The following MEGF8 variants were observed in gnomAD, a reference collection of about 807,000 sequenced individuals.
MEGF8 encodes the protein multiple EGF like domains 8.
MEGF8 carries 156 observed loss-of-function variants against 302.9 expected under a neutral mutation model. That is an observed-to-expected ratio of 0.52 (90% confidence interval 0.45 to 0.59). MEGF8 has a LOEUF of 0.59. Ranked by LOEUF, MEGF8 falls within the 20% of genes least tolerant of loss-of-function variation. MEGF8 has a pLI of 0.00. For missense variants in MEGF8, 3,345 were observed against 3,964.5 expected (o/e 0.84, Z 4.20); for synonymous variants, 1,621 against 1,660.5 (o/e 0.98, Z 0.58).
Position 42,350,292 on chromosome 19 carries a change from G to A in MEGF8, c.2644G>A (p.Gly882Arg), listed in dbSNP as rs147068787. 9.3e-5 allele frequency: 149 copies of A among 1,609,474 alleles called. No individual in the cohort carries two copies. Among genetic ancestry groups the A allele is most frequent in the Middle Eastern group, 1.6e-4 (1 of 6,082 alleles). ...CHLRQGGAHC[G>R]DDGAGGSLLV... Reference sequence around the variant, plus strand: ...CCTGCGCCAGGGCGGAGCCCATTGCGGGGATGACGGGGCTGGTGGGTCCCT... The same window carrying A: ...CCTGCGCCAGGGCGGAGCCCATTGCAGGGATGACGGGGCTGGTGGGTCCCT... The change falls in exon 15 of 42, where the codon GGG becomes AGG. Residue 882 changes from glycine to arginine, a missense_variant. Transcript: ENST00000251268.
At position 42,349,569 on chromosome 19, in the gene MEGF8, G is replaced by A. The variant is rs745557568; in HGVS notation, c.2369G>A (p.Arg790His). Residue 790 changes from arginine to histidine, a missense_variant, in exon 14 of 42, where the codon CGC becomes CAC. Physicochemically the swap from Arg to His is conservative, Grantham distance 29. Transcript: ENST00000251268. Reference protein sequence around the residue: ...TRRLQRPGSARLFPLPGRDHK... With the variant: ...TRRLQRPGSAHLFPLPGRDHK... ...CGGCTGCAGCGCCCTGGGTCTGCTC[G>A]CCTCTTCCCTCTGCCTGGGCGGGAC... The A allele has an allele frequency of 3.0e-5, 49 of 1,611,704 alleles. No homozygotes were observed. Among genetic ancestry groups the A allele is most frequent in the African/African-American group, 4.0e-5 (3 of 74,908 alleles).
Position 42,335,235 on chromosome 19 carries a change from A to T in MEGF8, c.739+20A>T, listed in dbSNP as rs1156348711. The T allele has an allele frequency of 6.2e-7, 1 of 1,614,000 alleles. No individual in the cohort carries two copies. The highest frequency in any genetic ancestry group is 1.7e-5 in the Admixed American group (1 of 60,018). ...TCGGAGGTGAGCAGATGGGGCGAGT[A>T]TCTGGGATCTGGAGGCCCGGCAGCC... is the stretch of plus-strand genomic sequence containing the variant. On this transcript the variant is annotated intron_variant, in intron 4 of 41. Transcript: ENST00000251268.
In MEGF8 at chr19:42,336,805, A is replaced by C; in HGVS notation, c.1245-2A>C. 6.3e-7 allele frequency: 1 copy of C among 1,580,550 alleles called. No individual in the cohort carries two copies. The highest frequency in any genetic ancestry group is 8.6e-7 in the Non-Finnish European group (1 of 1,163,316). On this transcript the variant is annotated splice_acceptor_variant, in intron 6 of 41. Coordinates refer to ENST00000251268, the MANE Select transcript of MEGF8 (RefSeq NM_001271938.2). LOFTEE classifies it high-confidence loss of function. This position sits in a 1 kb window ranked among gnomAD's most constrained non-coding sequence, Gnocchi z 4.8. The stretch of plus-strand genomic sequence containing the variant: ...GCCCCTGCCCTGCTTCTCCTTCGGT[A>C]GGTTCTCTGTGCGAGTGAACTCCAC...
At chr19:42,372,039 AAACAACAACAACAAC>A (rs59779006) in intron 41 of MEGF8, among the ~76,000 whole-genome samples, 1 of 144,596 alleles carries the variant, frequency 6.9e-6, no homozygotes, top group African/African-American at 2.6e-5. Context: ...CTCTGTCTCA[AAACAACAACAACAAC>A]AACAACAACA....
chr19:42,341,762 T>A (rs996587621), intron 8 of MEGF8, among the ~76,000 whole-genome samples: 1 of 152,160 alleles, frequency 6.6e-6, no homozygotes, highest in African/African-American at 2.4e-5. Flanking sequence ...GTCTTTCTTA[T>A]AGCAGTTAGG....
At position 42,336,023 on chromosome 19, in the gene MEGF8, G is replaced by C. The variant is rs770045100; in HGVS notation, c.921G>C (p.Val307=). The C allele has an allele frequency of 3.2e-6, 5 of 1,562,438 alleles. No homozygotes were observed. The South Asian group carries it at 5.8e-5, about 18-fold the overall frequency. The change falls in exon 6 of 42, where the codon GTG becomes GTC. Residue 307 remains valine (V), a synonymous_variant. Transcript: ENST00000251268. This position sits in a 1 kb window ranked among gnomAD's most constrained non-coding sequence, Gnocchi z 4.8. Reference sequence around the variant, plus strand: ...CTGACGGCTCGCTCACCAACGACGTGTGGGCCTTCAGTCCACTGGGCAGGG... The same window carrying C: ...CTGACGGCTCGCTCACCAACGACGTCTGGGCCTTCAGTCCACTGGGCAGGG... ...ELADGSLTND[V]WAFSPLGRGH...
At chr19:42,372,071 ACAAACACAC>A (rs1412449946) in intron 41 of MEGF8, among the ~76,000 whole-genome samples, 2 of 147,506 alleles carry the variant, frequency 1.4e-5, no homozygotes, top group African/African-American at 5.1e-5. Flanking sequence ...AACAACAACA[ACAAACACAC>A]ACACACACAC....
rs1002436249 is a variant in MEGF8 at position 42,345,905 on chromosome 19, G to T, written c.2097+1072G>T. On this transcript the variant is annotated intron_variant, in intron 12 of 41. Transcript: ENST00000251268. ...CACAGTACCTCTTTATTGATTTTTTGTTGTTGTTGTTGAGACAGAGTCTCT... is the reference window on the plus strand; with the variant it reads ...CACAGTACCTCTTTATTGATTTTTTTTTGTTGTTGTTGAGACAGAGTCTCT... Among the ~76,000 whole-genome samples the T allele has an allele frequency of 2.0e-4, 31 of 152,138 alleles. No individual in the cohort carries two copies. In the East Asian group the frequency reaches 5.2e-3, roughly 26 times the overall value.
chr19:42,354,725 G>C lies in MEGF8; in HGVS notation c.4144+5G>C, dbSNP rs745364773. On this transcript the variant is annotated splice_donor_5th_base_variant and intron_variant, in intron 23 of 41. Coordinates refer to ENST00000251268, the MANE Select transcript of MEGF8 (RefSeq NM_001271938.2). The surrounding 1 kb of genome is among the most constrained non-coding windows in gnomAD (Gnocchi z 4.3). ...TCACTGTTCAGGCCCTGTCTGGTAC[G>C]GGGGCTAGGGGAAGTGGGACCTCTT... 2 of 1,594,360 alleles carry C rather than the reference G, an allele frequency of 1.3e-6. No homozygotes were observed. The highest frequency in any genetic ancestry group is 2.7e-5 in the African/African-American group (2 of 74,784).
At position 42,355,941 on chromosome 19, in the gene MEGF8, A is replaced by G. The variant is rs768149358; in HGVS notation, c.4328A>G (p.His1443Arg). The G allele has an allele frequency of 1.9e-5, 30 of 1,609,690 alleles. No homozygotes were observed. Among genetic ancestry groups the G allele is most frequent in the Admixed American group, 8.4e-5 (5 of 59,508 alleles). The change falls in exon 24 of 42, where the codon CAC becomes CGC. Residue 1443 changes from histidine (H) to arginine (R), a missense_variant. Physicochemically the swap from His to Arg is conservative, Grantham distance 29. Coordinates refer to ENST00000251268, the MANE Select transcript of MEGF8 (RefSeq NM_001271938.2). Reference sequence around the variant, plus strand: ...TGTCCTCAGGGCTGGGCTGGCCCACACTGCCGCATGGCTCTGTGTCCTGAG... The same window carrying G: ...TGTCCTCAGGGCTGGGCTGGCCCACGCTGCCGCATGGCTCTGTGTCCTGAG... Reference protein sequence around the residue: ...CRCPQGWAGPHCRMALCPENC... With the variant: ...CRCPQGWAGPRCRMALCPENC...
Position 42,351,528 on chromosome 19 carries a change from C to T in MEGF8, c.2955C>T (p.Tyr985=). ...TGTTTGCTGCCTACTTGGCCCGGTA[C>T]CCACACGGGGGCTGTCGAGGCTGGG... The part of the protein sequence containing the change: ...CFLFAAYLAR[Y]PHGGCRGWDD... The change falls in exon 17 of 42, where the codon TAC becomes TAT. Residue 985 remains tyrosine (Y), a synonymous_variant. Transcript: ENST00000251268. The surrounding 1 kb of genome is among the most constrained non-coding windows in gnomAD (Gnocchi z 5.6). 6.2e-7 allele frequency: 1 copy of T among 1,609,202 alleles called. No homozygotes were observed. The highest frequency in any genetic ancestry group is 1.3e-5 in the African/African-American group (1 of 74,968).
At chr19:42,331,625 AATG>A (rs1364784634) in intron 1 of MEGF8, among the ~76,000 whole-genome samples, 1 of 151,674 alleles carries the variant, frequency 6.6e-6, no homozygotes, top group Admixed American at 6.6e-5. Flanking sequence ...GCTGGAGTGC[AATG>A]GCATGATCTC....
chr19:42,356,562 C>A lies in MEGF8; in HGVS notation c.4622+109C>A. The A allele has an allele frequency of 9.9e-7, 1 of 1,011,376 alleles. No homozygotes were observed. The highest frequency in any genetic ancestry group is 1.4e-6 in the Non-Finnish European group (1 of 706,884). The allele number at this position is 1,011,376 out of a possible 1,614,324, so 62.7% of individuals were successfully genotyped here. A position where few individuals can be genotyped will look rare whatever the true frequency, so the allele number is the denominator to read the frequency against. On this transcript the variant is annotated intron_variant, in intron 26 of 41. Coordinates refer to ENST00000251268, the MANE Select transcript of MEGF8 (RefSeq NM_001271938.2). The surrounding 1 kb of genome is among the most constrained non-coding windows in gnomAD (Gnocchi z 5.2). ...AAAAGCCTCTAAGGTAAAGGACAGC[C>A]CAAAGGATGCTGGGACACTTGTCAC...
intron 12 of MEGF8, among the ~76,000 whole-genome samples, chr19:42,345,615 G>A (rs914822748): frequency 6.6e-6 from 1 of 152,186 alleles, no homozygotes; most frequent in Non-Finnish European, 1.5e-5. Flanking sequence ...ACTTCATTTG[G>A]AAAGGAACTC....
chr19:42,344,408 G>A lies in MEGF8; in HGVS notation c.1789-33G>A. 6.5e-7 allele frequency: 1 copy of A among 1,547,348 alleles called. No homozygotes were observed. The highest frequency in any genetic ancestry group is 8.7e-7 in the Non-Finnish European group (1 of 1,152,262). On this transcript the variant is annotated intron_variant, in intron 10 of 41. Coordinates refer to ENST00000251268, the MANE Select transcript of MEGF8 (RefSeq NM_001271938.2). The surrounding 1 kb of genome is among the most constrained non-coding windows in gnomAD (Gnocchi z 4.5). Reference sequence around the variant, plus strand: ...TTCCCAGATCTCTTGAGCTCCAGTTGACAGTGAGCCCTTTCCCCTCTCCTC... The same window carrying A: ...TTCCCAGATCTCTTGAGCTCCAGTTAACAGTGAGCCCTTTCCCCTCTCCTC...
rs956968932 is a variant in MEGF8 at position 42,368,002 on chromosome 19, G to A, written c.6274-453G>A. On this transcript the variant is annotated intron_variant, in intron 35 of 41. Coordinates refer to ENST00000251268, the MANE Select transcript of MEGF8 (RefSeq NM_001271938.2). This position sits in a 1 kb window ranked among gnomAD's most constrained non-coding sequence, Gnocchi z 4.9. ...AGTGGTGCAGTCATGACTCATTGCAGCCTCAAACTCCCGGGCTCAAAAAAT... is the reference window on the plus strand; with the variant it reads ...AGTGGTGCAGTCATGACTCATTGCAACCTCAAACTCCCGGGCTCAAAAAAT... Among the ~76,000 whole-genome samples, 2 of 152,096 alleles carry A rather than the reference G, an allele frequency of 1.3e-5. No individual in the cohort carries two copies. The highest frequency in any genetic ancestry group is 4.8e-5 in the African/African-American group (2 of 41,392).
At chr19:42,331,394 T>C (rs1428101352) in intron 1 of MEGF8, among the ~76,000 whole-genome samples, 1 of 152,106 alleles carries the variant, frequency 6.6e-6, no homozygotes, top group Non-Finnish European at 1.5e-5. Flanking sequence ...AGCCAGAGCC[T>C]AGGCCTCCTA....
rs749651051 is a variant in MEGF8 at position 42,356,238 on chromosome 19, C to A, written c.4503+45C>A. 9 of 1,516,078 alleles carry A rather than the reference C, an allele frequency of 5.9e-6. No homozygotes were observed. The highest frequency in any genetic ancestry group is 3.5e-6 in the Non-Finnish European group (4 of 1,127,174). 93.9% of individuals were successfully genotyped at this position (1,516,078 alleles called of 1,614,324 possible). ...TGTCTAGGGATGGTTGCTCCCAGGT[C>A]GTTCTCCCACCTCCATTCCTGGGAC... On this transcript the variant is annotated intron_variant, in intron 25 of 41. Transcript: ENST00000251268. The surrounding 1 kb of genome is among the most constrained non-coding windows in gnomAD (Gnocchi z 5.2).
At position 42,359,156 on chromosome 19, in the gene MEGF8, G is replaced by A; in HGVS notation, c.5402G>A (p.Gly1801Glu). The A allele has an allele frequency of 6.3e-7, 1 of 1,599,528 alleles. No homozygotes were observed. The highest frequency in any genetic ancestry group is 8.5e-7 in the Non-Finnish European group (1 of 1,173,364). The change falls in exon 31 of 42, where the codon GGG becomes GAG. Residue 1801 changes from glycine (G) to glutamate (E), a missense_variant. By Grantham distance (98) the Gly-to-Glu change is moderately conservative. Transcript: ENST00000251268. ...ALLGDTMVVL[G>E]GRSDPDEFSS... ...TTAGGGGACACCATGGTGGTTCTTG[G>A]GGGGCGCTCGGACCCTGACGAGTTC...
Sources: allele counts gnomAD v4.1 joint callset (sites outside exome capture counted in the v4.1 genomes callset), GRCh38; gene constraint gnomAD v4.1.1; non-coding constraint Gnocchi (gnomAD v3.1); transcripts MANE v1.5; gene names NCBI Gene and HGNC (gene_info 2026-07-23, HGNC 2026-07-21).